SYNPR: variants seen among roughly 807,000 people sequenced by gnomAD.
The protein encoded by SYNPR is synaptoporin.
Under a neutral mutation model 32.9 loss-of-function variants are expected in SYNPR, and 23 were observed. The ratio of observed to expected loss-of-function variants is 0.70; its 90% CI spans 0.50 to 0.99. The LOEUF (loss-of-function observed/expected upper bound fraction) is 0.99, where lower values mean the gene tolerates loss of function less well. Ranked by LOEUF, SYNPR falls within the 50% of genes least tolerant of loss-of-function variation. SYNPR has a pLI of 0.00. For synonymous variants in SYNPR, 146 were observed against 135.9 expected, an observed-to-expected ratio of 1.07 and a Z score of -0.52; for missense variants, 318 against 349.3, an observed-to-expected ratio of 0.91 and a Z score of 0.71.
At chr3:63,413,596 G>A (rs992596653) in intron 2 of SYNPR, among the ~76,000 whole-genome samples, 4 of 152,156 alleles carry the variant, frequency 2.6e-5, no homozygotes, top group Non-Finnish European at 5.9e-5. Context: ...AACAAATAGA[G>A]CCTCAAATAC....
At chr3:63,249,017 G>C (rs1575575472) in intron 1 of SYNPR, among the ~76,000 whole-genome samples, 1 of 152,042 alleles carries the variant, frequency 6.6e-6, no homozygotes, top group South Asian at 2.1e-4. Flanking sequence ...GAGAAACTGG[G>C]AAGTAGTTGC....
rs186688792 is a variant in SYNPR at position 63,557,528 on chromosome 3, T to C, written c.408+787T>C. ...GAAAAGGGGACCATTGAAATATTGG[T>C]GCTGGTGTTGACAAAAGTGATTCTG... is the stretch of plus-strand genomic sequence containing the variant. On this transcript the variant is annotated intron_variant, in intron 4 of 5. Coordinates refer to ENST00000478300, the MANE Select transcript of SYNPR (RefSeq NM_001130003.2). 4.8e-3 allele frequency among the ~76,000 whole-genome samples: 737 copies of C among 152,308 alleles called. 2 individuals are homozygous for C. The highest frequency in any genetic ancestry group is 8.1e-3 in the Non-Finnish European group (554 of 68,026).
chr3:63,513,616 A>G (rs1701738039), intron 3 of SYNPR, among the ~76,000 whole-genome samples: 1 of 152,158 alleles, frequency 6.6e-6, no homozygotes, highest in African/African-American at 2.4e-5. Context: ...TTTATTATTT[A>G]TTGTTCAACA....
chr3:63,494,404 T>TATATATATACAC (rs1553641131), intron 3 of SYNPR, among the ~76,000 whole-genome samples: 1,283 of 102,352 alleles, frequency 0.013, 48 homozygotes, highest in African/African-American at 0.045. Context: ...TATATATATA[T>TATATATATACAC]ATATATATAT....
intron 3 of SYNPR, among the ~76,000 whole-genome samples, chr3:63,536,911 C>T (rs1357551275): frequency 6.6e-6 from 1 of 151,900 alleles, no homozygotes; most frequent in Non-Finnish European, 1.5e-5. Flanking sequence ...TACATAGAAA[C>T]AAAGTAGATT....
intron 2 of SYNPR, among the ~76,000 whole-genome samples, chr3:63,431,221 T>C (rs1391608893): frequency 6.6e-6 from 1 of 152,180 alleles, no homozygotes; most frequent in Non-Finnish European, 1.5e-5. Context: ...TGATGTGGAA[T>C]TTACCCTGAT....
chr3:63,469,031 T>A (rs1160754106), intron 2 of SYNPR, among the ~76,000 whole-genome samples: 2 of 152,172 alleles, frequency 1.3e-5, no homozygotes, highest in Non-Finnish European at 2.9e-5. Context: ...TATGGTATTC[T>A]AAATTGCTCT....
chr3:63,225,956 G>GA (rs1016624273), upstream of SYNPR, among the ~76,000 whole-genome samples: 353 of 147,290 alleles, frequency 2.4e-3, no homozygotes, highest in Non-Finnish European at 4.2e-3. Context: ...AACTCAACAG[G>GA]AAAAAAAAAA....
chr3:63,463,160 C>A (rs954291201), intron 2 of SYNPR, among the ~76,000 whole-genome samples: 2 of 151,976 alleles, frequency 1.3e-5, no homozygotes, highest in Non-Finnish European at 2.9e-5. Flanking sequence ...CTTTTACAGT[C>A]GAGGGAAAAA....
At chr3:63,537,749 T>A (rs1224634268) in intron 3 of SYNPR, among the ~76,000 whole-genome samples, 1 of 152,176 alleles carries the variant, frequency 6.6e-6, no homozygotes, top group Non-Finnish European at 1.5e-5. Context: ...AAATTACCTG[T>A]GGAAATCCAT....
chr3:63,401,032 A>G (rs1303123284), intron 2 of SYNPR, among the ~76,000 whole-genome samples: 1 of 151,794 alleles, frequency 6.6e-6, no homozygotes, highest in African/African-American at 2.4e-5. Context: ...GATGCAATAC[A>G]CAAAAAAGGT....
intron 3 of SYNPR, among the ~76,000 whole-genome samples, chr3:63,531,812 A>G (rs776763417): frequency 1.3e-5 from 2 of 152,160 alleles, no homozygotes; most frequent in Admixed American, 6.5e-5. Context: ...AGATCTTTAG[A>G]GCATCCTGGG....
At chr3:63,505,943 T>C (rs1701578463) in intron 3 of SYNPR, among the ~76,000 whole-genome samples, 1 of 152,020 alleles carries the variant, frequency 6.6e-6, no homozygotes, top group Non-Finnish European at 1.5e-5. Flanking sequence ...TAAGATTTCC[T>C]CATTGGGCTG....
chr3:63,567,339 T>A (rs887258527), intron 4 of SYNPR, among the ~76,000 whole-genome samples: 1 of 152,160 alleles, frequency 6.6e-6, no homozygotes, highest in African/African-American at 2.4e-5. Flanking sequence ...AAGAACACAA[T>A]AGCGTAACAG....
At chr3:63,498,522 G>A (rs1559517806) in intron 3 of SYNPR, among the ~76,000 whole-genome samples, 1 of 152,224 alleles carries the variant, frequency 6.6e-6, no homozygotes, top group East Asian at 1.9e-4. Context: ...TTGGGGAAAC[G>A]TTGGCAAAGA....
chr3:63,248,339 C>T (rs1187009635), intron 1 of SYNPR, among the ~76,000 whole-genome samples: 1 of 152,048 alleles, frequency 6.6e-6, no homozygotes, highest in Non-Finnish European at 1.5e-5. Flanking sequence ...GGCTTCAGGA[C>T]ATGGTAGCAA....
At chr3:63,427,307 T>A (rs183409421) in intron 2 of SYNPR, 1 of 152,178 alleles carries the variant, frequency 6.6e-6, no homozygotes, top group East Asian at 1.9e-4. Flanking sequence ...TCAACTTGTC[T>A]GAAAGTCAGT....
intron 2 of SYNPR, among the ~76,000 whole-genome samples, chr3:63,379,483 A>C (rs1017266673): frequency 6.6e-6 from 1 of 152,046 alleles, no homozygotes; most frequent in Non-Finnish European, 1.5e-5. Context: ...TTTTGCTTCA[A>C]CTGGAAGTTT....
intron 4 of SYNPR, among the ~76,000 whole-genome samples, chr3:63,603,659 T>G (rs6778298): frequency 6.6e-6 from 1 of 152,102 alleles, no homozygotes; most frequent in East Asian, 1.9e-4. Context: ...TTGATTTGTG[T>G]ATGTAGCACC....
Sources: allele counts gnomAD v4.1 joint callset (sites outside exome capture counted in the v4.1 genomes callset), GRCh38; gene constraint gnomAD v4.1.1; transcripts MANE v1.5; gene names NCBI Gene and HGNC (gene_info 2026-07-23, HGNC 2026-07-21).